The following CTNNA3 variants were observed in gnomAD, a reference collection of about 807,000 sequenced individuals.
The protein encoded by CTNNA3 is catenin alpha-3.
In CTNNA3, 76 loss-of-function variants were observed where a neutral mutation model predicts 95.7. The ratio of observed to expected loss-of-function variants is 0.79; its 90% CI spans 0.66 to 0.96. The LOEUF is 0.96. CTNNA3 is among the 40% of genes least tolerant of loss of function. The pLI is 0.00. For synonymous variants in CTNNA3, 431 were observed against 374.4 expected (o/e 1.15, Z -1.74); for missense variants, 1,191 against 1,089.8 (o/e 1.09, Z -1.31).
chr10:66,099,439 T>C lies in CTNNA3; in HGVS notation c.1977+3718A>G, dbSNP rs116225974. Among the ~76,000 whole-genome samples the C allele has an allele frequency of 9.8e-3, 1,485 of 152,068 alleles. 32 individuals are homozygous for C. The highest frequency in any genetic ancestry group is 0.034 in the African/African-American group (1,420 of 41,492). On this transcript the variant is annotated intron_variant, in intron 14 of 17. Transcript: ENST00000433211. ...AATGTCATTTTATTATTATAAGGAG[T>C]ATGGAACACAGATATTAGTATAAAG...
intron 6 of CTNNA3, among the ~76,000 whole-genome samples, chr10:67,195,142 C>G (rs568569693): frequency 1.3e-5 from 2 of 152,064 alleles, no homozygotes; most frequent in East Asian, 3.9e-4. Flanking sequence ...GGGGCTCCTA[C>G]TATTTAATTC....
chr10:66,089,293 T>C (rs1433128196), intron 14 of CTNNA3, among the ~76,000 whole-genome samples: 3 of 151,836 alleles, frequency 2.0e-5, no homozygotes, highest in Admixed American at 6.6e-5. Context: ...ACTATTACTC[T>C]TGGTAAATAG....
intron 17 of CTNNA3, among the ~76,000 whole-genome samples, chr10:65,952,957 ATAAT>A (rs1257820114): frequency 1.3e-5 from 2 of 152,252 alleles, no homozygotes; most frequent in Non-Finnish European, 2.9e-5. Flanking sequence ...GAGTGGTTAC[ATAAT>A]TAATCAGTCT....
intron 7 of CTNNA3, among the ~76,000 whole-genome samples, chr10:67,023,545 C>T (rs897164379): frequency 6.6e-6 from 1 of 152,094 alleles, no homozygotes; most frequent in African/African-American, 2.4e-5. Context: ...CATGATTCTT[C>T]CACTTCTCAT....
In CTNNA3 at chr10:66,360,324, T is replaced by G. The variant is rs987202477; in HGVS notation, c.1732+18828A>C. 4.6e-5 allele frequency among the ~76,000 whole-genome samples: 7 copies of G among 152,068 alleles called. 1 individual carries two copies. In the East Asian group the frequency reaches 1.2e-3, roughly 25 times the overall value. ...AAAGAGGAAATCTATGAATAAAAGT[T>G]ACTCTCATATCTAATCATTTGTATA... On this transcript the variant is annotated intron_variant, in intron 12 of 17. Transcript: ENST00000433211.
At chr10:67,757,984 A>G (rs1170192553) in intron 1 of CTNNA3, among the ~76,000 whole-genome samples, 4 of 152,168 alleles carry the variant, frequency 2.6e-5, no homozygotes, top group Non-Finnish European at 5.9e-5. Flanking sequence ...CTGCATCAGT[A>G]GACTGAGTAA....
chr10:66,974,447 G>C (rs1249920050), intron 7 of CTNNA3, among the ~76,000 whole-genome samples: 1 of 152,152 alleles, frequency 6.6e-6, no homozygotes, highest in Non-Finnish European at 1.5e-5. Flanking sequence ...TGACTATTGT[G>C]AATTAAGCTG....
rs56772381 is a variant in CTNNA3, at chr10:67,114,709, G to GGTGTGTGTGT, written c.1047+65598_1047+65607dup. 3.2e-3 allele frequency among the ~76,000 whole-genome samples: 464 copies of GGTGTGTGTGT among 144,842 alleles called. 4 individuals carry two copies. Among genetic ancestry groups the GGTGTGTGTGT allele is most frequent in the African/African-American group, 8.9e-3 (344 of 38,572 alleles). On this transcript the variant is annotated intron_variant, in intron 7 of 17. Transcript: ENST00000433211. ...AATCACCATAGTGATGGTTCTTAAA[G>GGTGTGTGTGT]GTGTGTGTGTGTGTGTGTGTGTGTG... is the stretch of plus-strand genomic sequence containing the variant.
chr10:66,873,821 T>C (rs1411594687), intron 7 of CTNNA3, among the ~76,000 whole-genome samples: 1 of 152,162 alleles, frequency 6.6e-6, no homozygotes, highest in Non-Finnish European at 1.5e-5. Context: ...GAAGAAAACC[T>C]AGGAAATATC....
intron 7 of CTNNA3, among the ~76,000 whole-genome samples, chr10:66,882,074 C>T (rs1844870517): frequency 6.6e-6 from 1 of 152,174 alleles, no homozygotes; most frequent in Admixed American, 6.5e-5. Flanking sequence ...AGGACACCTA[C>T]AGATTCTCTA....
intron 7 of CTNNA3, among the ~76,000 whole-genome samples, chr10:67,097,121 AG>A (rs1858044318): frequency 1.3e-5 from 2 of 151,818 alleles, no homozygotes; most frequent in African/African-American, 2.4e-5. Flanking sequence ...CTTGGGTGGC[AG>A]GGGGTTGACT....
At chr10:66,794,177 C>T (rs1214441917) in intron 7 of CTNNA3, among the ~76,000 whole-genome samples, 1 of 151,954 alleles carries the variant, frequency 6.6e-6, no homozygotes, top group African/African-American at 2.4e-5. Flanking sequence ...GTAAATAAGC[C>T]CCACAAAACT....
intron 11 of CTNNA3, among the ~76,000 whole-genome samples, chr10:66,483,588 T>A (rs543489078): frequency 6.6e-6 from 1 of 152,194 alleles, no homozygotes; most frequent in African/African-American, 2.4e-5. Flanking sequence ...AAAGGGTCTT[T>A]ATTTGTTGTC....
intron 7 of CTNNA3, among the ~76,000 whole-genome samples, chr10:66,946,310 T>C (rs1470964650): frequency 6.6e-6 from 1 of 152,146 alleles, no homozygotes; most frequent in African/African-American, 2.4e-5. Context: ...TGCTGGAAAG[T>C]TGAGAAAGGA....
intron 7 of CTNNA3, among the ~76,000 whole-genome samples, chr10:67,020,983 T>C (rs537988975): frequency 3.3e-5 from 5 of 152,188 alleles, no homozygotes; most frequent in Non-Finnish European, 7.4e-5. Context: ...ACCTTGACTA[T>C]GGAAAGTCTG....
intron 12 of CTNNA3, among the ~76,000 whole-genome samples, chr10:66,357,101 G>A (rs1267978869): frequency 1.3e-5 from 2 of 151,892 alleles, no homozygotes; most frequent in Non-Finnish European, 2.9e-5. Flanking sequence ...TTGATCCCTC[G>A]GGTATTACTG....
intron 15 of CTNNA3, among the ~76,000 whole-genome samples, chr10:66,011,883 T>C (rs866018826): frequency 2.2e-4 from 34 of 152,210 alleles, no homozygotes; most frequent in African/African-American, 7.2e-4. Flanking sequence ...GTTAATTTGT[T>C]ATGCGTGTGG....
At chr10:67,761,467 G>A (rs946673002) in intron 1 of CTNNA3, among the ~76,000 whole-genome samples, 1 of 152,202 alleles carries the variant, frequency 6.6e-6, no homozygotes, top group African/African-American at 2.4e-5. Flanking sequence ...CACATGCCCT[G>A]TTCCTCCCAG....
In CTNNA3 at chr10:66,845,703, C is replaced by CAA. The variant is rs61085873; in HGVS notation, c.1048-70181_1048-70180dup. On this transcript the variant is annotated intron_variant, in intron 7 of 17. Transcript: ENST00000433211. ...GGGTAACAACAGCAAAACTCTGTCT[C>CAA]AAAAAAAAAAAAAAAAAAAAAAAAA... Among the ~76,000 whole-genome samples, 110 of 23,542 alleles carry CAA rather than the reference C, an allele frequency of 4.7e-3. 10 individuals carry two copies. The highest frequency in any genetic ancestry group is 0.018 in the East Asian group (26 of 1,464). The allele number at this position is 23,542 out of a possible 152,430, so 15.4% of individuals were successfully genotyped here. A position where few individuals can be genotyped will look rare whatever the true frequency, so the allele number is the denominator to read the frequency against.
Sources: gnomAD v4.1 joint callset for allele counts (sites outside exome capture counted in the v4.1 genomes callset) on GRCh38, gnomAD v4.1.1 for gene constraint, MANE v1.5 for transcripts, NCBI Gene and HGNC (gene_info 2026-07-23, HGNC 2026-07-21) for gene names.